Variants in CNTN4 observed in about 807,000 individuals in gnomAD.
The protein encoded by CNTN4 is contactin-4.
Under a neutral mutation model 122.5 loss-of-function variants are expected in CNTN4, and 77 were observed. The observed-to-expected ratio is 0.63, with a 90% CI of 0.52 to 0.76. The LOEUF (loss-of-function observed/expected upper bound fraction) is 0.76. Among genes scored for constraint, CNTN4 ranks in the 30% least tolerant of loss-of-function variants. The probability of loss-of-function intolerance (pLI) is 0.00; values close to 1 mark genes in which losing one functional copy is unlikely to be tolerated. For missense variants in CNTN4, 1,256 were observed against 1,259.1 expected, an observed-to-expected ratio of 1.00 and a Z score of 0.04; for synonymous variants, 512 against 447.0, an observed-to-expected ratio of 1.15 and a Z score of -1.83.
At chr3:2,393,255 A>C (rs572410810) in intron 3 of CNTN4, among the ~76,000 whole-genome samples, 1 of 15,414 alleles carries the variant, frequency 6.5e-5, no homozygotes, top group African/African-American at 2.7e-4. Flanking sequence ...ATTAGGGCAC[A>C]CCCTATGACC....
At chr3:2,229,541 A>C (rs2039407333) in intron 2 of CNTN4, among the ~76,000 whole-genome samples, 1 of 152,220 alleles carries the variant, frequency 6.6e-6, no homozygotes, top group Non-Finnish European at 1.5e-5. Flanking sequence ...TAGTTACGTA[A>C]GTATTTGAAA....
intron 13 of CNTN4, among the ~76,000 whole-genome samples, chr3:2,984,197 A>G (rs1323791297): frequency 6.9e-6 from 1 of 143,900 alleles, no homozygotes; most frequent in Non-Finnish European, 1.5e-5. Context: ...CTTTTATGCA[A>G]TGCAGATACC....
chr3:2,808,127 G>C (rs1001632287), intron 6 of CNTN4, among the ~76,000 whole-genome samples: 1 of 152,132 alleles, frequency 6.6e-6, no homozygotes, highest in Non-Finnish European at 1.5e-5. Context: ...GAGATGAAGA[G>C]ATTTCTTTCA....
At chr3:2,613,915 A>G (rs1576221442) in intron 4 of CNTN4, among the ~76,000 whole-genome samples, 1 of 152,172 alleles carries the variant, frequency 6.6e-6, no homozygotes, top group African/African-American at 2.4e-5. Flanking sequence ...TCAGATACTC[A>G]GTCCACAAAT....
chr3:2,211,998 G>A (rs938376457), intron 2 of CNTN4, among the ~76,000 whole-genome samples: 1 of 151,948 alleles, frequency 6.6e-6, no homozygotes, highest in African/African-American at 2.4e-5. Flanking sequence ...TTTTGAGATG[G>A]GGTCTTGCTC....
rs1339581493 is a variant in CNTN4 at position 2,119,161 on chromosome 3, A to G, written c.-145+18522A>G. 2.6e-5 allele frequency among the ~76,000 whole-genome samples: 4 copies of G among 152,250 alleles called. No homozygotes were observed. The East Asian group carries it at 7.7e-4, about 29-fold the overall frequency. ...TCCCAGGAGAAAGAATTCTGCTAGC[A>G]GACAGCTTTTGGTCTCTGGCTGTGA... On this transcript the variant is annotated intron_variant, in intron 2 of 24. Transcript: ENST00000418658.
At chr3:2,600,005 CTTCTTTTTT>C (rs1292942234) in intron 4 of CNTN4, among the ~76,000 whole-genome samples, 415 of 28,288 alleles carry the variant, frequency 0.015, 14 homozygotes, top group African/African-American at 0.03. Context: ...TTATGGAATT[CTTCTTTTTT>C]TTTTTTTTTT....
chr3:2,536,089 A>G (rs923413791), intron 3 of CNTN4, among the ~76,000 whole-genome samples: 6 of 152,086 alleles, frequency 3.9e-5, no homozygotes, highest in Non-Finnish European at 8.8e-5. Flanking sequence ...TTAAAACCTC[A>G]TTTTCTTTAG....
intron 2 of CNTN4, among the ~76,000 whole-genome samples, chr3:2,314,489 A>G (rs1343283137): frequency 1.3e-5 from 2 of 151,960 alleles, no homozygotes. Context: ...AATGTGGATT[A>G]TATGAGCATG....
At chr3:2,447,512 A>G (rs1234782112) in intron 3 of CNTN4, among the ~76,000 whole-genome samples, 1 of 152,108 alleles carries the variant, frequency 6.6e-6, no homozygotes, top group Non-Finnish European at 1.5e-5. Context: ...GTGCTTGTTT[A>G]TTCTCTGTAT....
chr3:2,590,700 C>G (rs368726083), intron 4 of CNTN4, among the ~76,000 whole-genome samples: 3 of 151,982 alleles, frequency 2.0e-5, no homozygotes, highest in South Asian at 4.2e-4. Context: ...CTTCCTAACT[C>G]AGGGCCTTCA....
chr3:2,607,179 CG>C, intron 4 of CNTN4, among the ~76,000 whole-genome samples: 1 of 152,046 alleles, frequency 6.6e-6, no homozygotes, highest in East Asian at 1.9e-4. Context: ...GAAACTGTCA[CG>C]TGAATAAAGG....
intron 2 of CNTN4, among the ~76,000 whole-genome samples, chr3:2,204,913 C>T (rs115724252): frequency 1.3e-5 from 2 of 152,092 alleles, no homozygotes; most frequent in Non-Finnish European, 2.9e-5. Flanking sequence ...ATTATCAGTA[C>T]AGAATCCTAT....
chr3:2,709,217 A>G lies in CNTN4; in HGVS notation c.56-26998A>G, dbSNP rs891998349. Among the ~76,000 whole-genome samples, 2 of 152,152 alleles carry G rather than the reference A, an allele frequency of 1.3e-5. No homozygotes were observed. Among genetic ancestry groups the G allele is most frequent in the African/African-American group, 4.8e-5 (2 of 41,428 alleles). Reference sequence around the variant, plus strand: ...CCAAATTTTATTGGTAAAAATAACTATTTCTTTTAGAATAAAGAATGTATT... The same window carrying G: ...CCAAATTTTATTGGTAAAAATAACTGTTTCTTTTAGAATAAAGAATGTATT... On this transcript the variant is annotated intron_variant, in intron 4 of 24. Coordinates refer to ENST00000418658, the MANE Select transcript of CNTN4 (RefSeq NM_175607.3). This position sits in a 1 kb window ranked among gnomAD's most constrained non-coding sequence, Gnocchi z 5.0.
intron 3 of CNTN4, among the ~76,000 whole-genome samples, chr3:2,474,094 C>G (rs919060489): frequency 6.6e-6 from 1 of 152,074 alleles, no homozygotes; most frequent in Non-Finnish European, 1.5e-5. Context: ...GGACTGTCTG[C>G]CGGGGTGTCA....
At chr3:2,670,024 A>G (rs1343146988) in intron 4 of CNTN4, among the ~76,000 whole-genome samples, 4 of 152,150 alleles carry the variant, frequency 2.6e-5, no homozygotes, top group African/African-American at 9.7e-5. Flanking sequence ...TATGTGGTCA[A>G]TTTTGGAATA....
chr3:2,632,969 TA>T (rs1401038523), intron 4 of CNTN4, among the ~76,000 whole-genome samples: 1 of 148,752 alleles, frequency 6.7e-6, no homozygotes, highest in Admixed American at 6.7e-5. Flanking sequence ...ATATATAATT[TA>T]TATTTTGTAT....
chr3:2,191,831 T>C (rs780752112), intron 2 of CNTN4, among the ~76,000 whole-genome samples: 5 of 152,054 alleles, frequency 3.3e-5, no homozygotes, highest in Non-Finnish European at 5.9e-5. Context: ...CTGCACCCAT[T>C]AACTTGTCAT....
At chr3:2,182,316 A>G (rs984881926) in intron 2 of CNTN4, among the ~76,000 whole-genome samples, 12 of 151,988 alleles carry the variant, frequency 7.9e-5, no homozygotes, top group Non-Finnish European at 1.5e-4. Context: ...ATATATATCT[A>G]TCCTTGGATA....
Sources: gnomAD v4.1 joint callset for allele counts (sites outside exome capture counted in the v4.1 genomes callset) on GRCh38, gnomAD v4.1.1 for gene constraint, Gnocchi (gnomAD v3.1) non-coding constraint, MANE v1.5 for transcripts, NCBI Gene and HGNC (gene_info 2026-07-23, HGNC 2026-07-21) for gene names.